ENOX1: variants seen among roughly 807,000 people sequenced by gnomAD.
ENOX1 encodes candidate growth-related and time keeping constitutive hydroquinone (NADH) oxidase.
A neutral mutation model predicts 82.5 loss-of-function variants in ENOX1; 42 were observed. That is an observed-to-expected ratio of 0.51 (90% CI 0.40 to 0.66). The LOEUF (loss-of-function observed/expected upper bound fraction) is 0.66, where lower values mean the gene tolerates loss of function less well. Ranked by LOEUF, ENOX1 falls within the 30% of genes least tolerant of loss-of-function variation. The pLI, the probability that ENOX1 is intolerant of heterozygous loss-of-function variation, is 0.00. For synonymous variants in ENOX1, 271 were observed against 282.2 expected, an observed-to-expected ratio of 0.96 and a Z score of 0.40; for missense variants, 608 against 811.6, an observed-to-expected ratio of 0.75 and a Z score of 3.05.
chr13:43,719,783 G>C (rs901233962), intron 1 of ENOX1, among the ~76,000 whole-genome samples: 7 of 151,956 alleles, frequency 4.6e-5, no homozygotes, highest in Non-Finnish European at 7.4e-5. Context: ...TTGCCTAAGG[G>C]GCCATGCCTG....
At position 43,460,252 on chromosome 13, in the gene ENOX1, A is replaced by G. The variant is rs528222951; in HGVS notation, c.-75+23757T>C. ...ATCTTAACTGCAGAAATTCTGTGAG[A>G]ACCTATTGCAATGTTTTCCCTTTTT... On this transcript the variant is annotated intron_variant, in intron 3 of 16. Coordinates refer to ENST00000690772, the MANE Select transcript of ENOX1 (RefSeq NM_001347969.2). Among the ~76,000 whole-genome samples, 10 of 152,226 alleles carry G rather than the reference A, an allele frequency of 6.6e-5. No homozygotes were observed. The East Asian group carries it at 1.9e-3, about 29-fold the overall frequency.
chr13:43,270,845 T>C (rs1337338242), intron 12 of ENOX1, among the ~76,000 whole-genome samples: 2 of 152,234 alleles, frequency 1.3e-5, no homozygotes, highest in Non-Finnish European at 2.9e-5. Flanking sequence ...ATCAATCACA[T>C]GTGAGGTAAT....
chr13:43,334,475 C>G (rs1445891183), intron 9 of ENOX1, among the ~76,000 whole-genome samples: 1 of 152,086 alleles, frequency 6.6e-6, no homozygotes, highest in South Asian at 2.1e-4. Flanking sequence ...TGCTCAGAGT[C>G]CCTGGGGGAG....
At chr13:43,694,791 C>A (rs1594441281) in intron 1 of ENOX1, among the ~76,000 whole-genome samples, 1 of 152,198 alleles carries the variant, frequency 6.6e-6, no homozygotes, top group Non-Finnish European at 1.5e-5. Flanking sequence ...TCCTCAGTGA[C>A]TTCCTTGTTT....
chr13:43,359,378 T>C (rs1336192734), intron 7 of ENOX1, among the ~76,000 whole-genome samples: 2 of 152,220 alleles, frequency 1.3e-5, no homozygotes, highest in African/African-American at 4.8e-5. Context: ...CAAGGCTTAA[T>C]GAACCACCAA....
At chr13:43,683,795 G>A (rs961711432) in intron 1 of ENOX1, among the ~76,000 whole-genome samples, 7 of 152,078 alleles carry the variant, frequency 4.6e-5, no homozygotes, top group African/African-American at 7.2e-5. Context: ...CCTCCTGGTA[G>A]AGGGGTGGTT....
intron 1 of ENOX1, among the ~76,000 whole-genome samples, chr13:43,721,703 T>C (rs1443926577): frequency 6.6e-6 from 1 of 152,098 alleles, no homozygotes; most frequent in Non-Finnish European, 1.5e-5. Context: ...TACTGGCACT[T>C]TTTCCCCTGC....
chr13:43,566,553 C>A (rs911114765), intron 2 of ENOX1, among the ~76,000 whole-genome samples: 3 of 151,902 alleles, frequency 2.0e-5, no homozygotes, highest in South Asian at 2.1e-4. Context: ...GCATGTCTAT[C>A]TTCTGTTGGA....
chr13:43,684,956 AAAG>A (rs1263897622), intron 1 of ENOX1, among the ~76,000 whole-genome samples: 4 of 152,208 alleles, frequency 2.6e-5, no homozygotes, highest in African/African-American at 9.6e-5. Flanking sequence ...AATGGTTTTC[AAAG>A]AAGTAGTATT....
chr13:43,770,758 G>T (rs887475380), intron 1 of ENOX1, among the ~76,000 whole-genome samples: 2 of 150,776 alleles, frequency 1.3e-5, no homozygotes, highest in African/African-American at 4.9e-5. Context: ...ATCAACAATG[G>T]TTATCTCTAG....
chr13:43,724,877 T>A (rs1427218407), intron 1 of ENOX1, among the ~76,000 whole-genome samples: 1 of 152,222 alleles, frequency 6.6e-6, no homozygotes, highest in Non-Finnish European at 1.5e-5. Context: ...TACTAGTGAT[T>A]TGGTCAGTGT....
intron 1 of ENOX1, among the ~76,000 whole-genome samples, chr13:43,679,756 G>C (rs1309235014): frequency 1.3e-5 from 2 of 152,108 alleles, no homozygotes; most frequent in Non-Finnish European, 2.9e-5. Context: ...CTGGATAAGT[G>C]AGGTATTAGA....
At chr13:43,478,695 T>C (rs527392930) in intron 3 of ENOX1, among the ~76,000 whole-genome samples, 2 of 152,322 alleles carry the variant, frequency 1.3e-5, no homozygotes, top group African/African-American at 4.8e-5. Context: ...GTACTCACTG[T>C]GTGTATTTTG....
At chr13:43,232,927 C>T (rs2042354280) in intron 15 of ENOX1, among the ~76,000 whole-genome samples, 1 of 152,128 alleles carries the variant, frequency 6.6e-6, no homozygotes, top group South Asian at 2.1e-4. Context: ...CAGCTCTCTG[C>T]AGAACTATTA....
chr13:43,302,702 T>C (rs1309754768), intron 11 of ENOX1, among the ~76,000 whole-genome samples: 1 of 152,240 alleles, frequency 6.6e-6, no homozygotes, highest in South Asian at 2.1e-4. Flanking sequence ...TTATTCTTTA[T>C]ATTAATTATG....
At chr13:43,523,939 A>G (rs1056235226) in intron 2 of ENOX1, among the ~76,000 whole-genome samples, 16 of 152,242 alleles carry the variant, frequency 1.1e-4, no homozygotes, top group Admixed American at 3.9e-4. Flanking sequence ...ATAAGAAGGT[A>G]CCACACTTAA....
intron 1 of ENOX1, among the ~76,000 whole-genome samples, chr13:43,719,302 T>TAC (rs3024232): frequency 0.22 from 28,382 of 126,434 alleles, 3,323 homozygotes; most frequent in South Asian, 0.28. Context: ...TTCATTCAAA[T>TAC]ACACACACAC....
intron 1 of ENOX1, among the ~76,000 whole-genome samples, chr13:43,752,436 T>C (rs1950374192): frequency 6.6e-6 from 1 of 152,224 alleles, no homozygotes; most frequent in African/African-American, 2.4e-5. Flanking sequence ...TTCAGTGTCA[T>C]ATCTAAGAAA....
intron 15 of ENOX1, among the ~76,000 whole-genome samples, chr13:43,232,465 C>T (rs1425152878): frequency 1.3e-5 from 2 of 152,154 alleles, no homozygotes; most frequent in Non-Finnish European, 2.9e-5. Flanking sequence ...TAAATATAGC[C>T]TCAACTTTAT....
Sources: gnomAD v4.1 joint callset for allele counts (sites outside exome capture counted in the v4.1 genomes callset) on GRCh38, gnomAD v4.1.1 for gene constraint, MANE v1.5 for transcripts, NCBI Gene and HGNC (gene_info 2026-07-23, HGNC 2026-07-21) for gene names.